MED27: variants seen among roughly 807,000 people sequenced by gnomAD.
MED27 encodes the protein mediator of RNA polymerase II transcription subunit 27.
Under a neutral mutation model 38.2 loss-of-function variants are expected in MED27, and 30 were observed. The observed-to-expected ratio is 0.79, with a 90% CI of 0.59 to 1.07. The LOEUF (loss-of-function observed/expected upper bound fraction) is 1.07. Ranked by LOEUF, MED27 falls within the 50% of genes least tolerant of loss-of-function variation. The pLI is 0.00. For synonymous variants in MED27, 122 were observed against 153.5 expected (o/e 0.79, Z 1.52); for missense variants, 289 against 397.5 (o/e 0.73, Z 2.32).
chr9:131,893,806 T>C, intron 5 of MED27, 79 bp downstream of exon 5: 1 of 970,338 alleles, frequency 1.0e-6, no homozygotes, highest in Non-Finnish European at 1.6e-6. Context: ...TAGTTTTTAA[T>C]GCCATTCATC....
chr9:132,048,755 G>A (rs1017647986), intron 2 of MED27, among the ~76,000 whole-genome samples: 2 of 152,136 alleles, frequency 1.3e-5, no homozygotes, highest in Non-Finnish European at 2.9e-5. Flanking sequence ...CCTGCATCAC[G>A]GGGGTGGCGG....
At position 131,862,229 on chromosome 9, in the gene MED27, G is replaced by A. The variant is rs905015418; in HGVS notation, c.801+834C>T. On this transcript the variant is annotated intron_variant, in intron 7 of 7. Coordinates refer to ENST00000292035, the MANE Select transcript of MED27 (RefSeq NM_004269.4). The surrounding 1 kb of genome is among the most constrained non-coding windows in gnomAD (Gnocchi z 4.6). Reference sequence around the variant, plus strand: ...CATGTGATAAGATGCACACTGATTTGGCCTTGCTAACAGGTCTTTGGAGTC... The same window carrying A: ...CATGTGATAAGATGCACACTGATTTAGCCTTGCTAACAGGTCTTTGGAGTC... Among the ~76,000 whole-genome samples the A allele has an allele frequency of 6.6e-6, 1 of 152,158 alleles. No individual in the cohort carries two copies. Among genetic ancestry groups the A allele is most frequent in the Non-Finnish European group, 1.5e-5 (1 of 68,044 alleles).
intron 3 of MED27, among the ~76,000 whole-genome samples, chr9:131,943,889 T>C (rs1830833779): frequency 6.6e-6 from 1 of 152,190 alleles, no homozygotes; most frequent in Non-Finnish European, 1.5e-5. Flanking sequence ...TTCTAGAAAT[T>C]ACAGATTCAA....
At chr9:132,041,657 A>G (rs1833215135) in intron 2 of MED27, among the ~76,000 whole-genome samples, 1 of 152,238 alleles carries the variant, frequency 6.6e-6, no homozygotes. Context: ...GGATGTATGG[A>G]ACAAAATGAA....
At chr9:131,900,553 G>A (rs1415486386) in intron 4 of MED27, among the ~76,000 whole-genome samples, 1 of 152,028 alleles carries the variant, frequency 6.6e-6, no homozygotes, top group Non-Finnish European at 1.5e-5. Context: ...TCGTGTAGGG[G>A]GAAAAGTGCT....
chr9:131,868,273 C>G (rs1359074199), intron 6 of MED27, among the ~76,000 whole-genome samples: 4 of 152,094 alleles, frequency 2.6e-5, no homozygotes, highest in African/African-American at 9.7e-5. Flanking sequence ...GAGATAGGTG[C>G]TTTTCTTTTT....
chr9:131,893,635 C>T (rs1381949696), intron 5 of MED27, among the ~76,000 whole-genome samples: 1 of 152,110 alleles, frequency 6.6e-6, no homozygotes, highest in Non-Finnish European at 1.5e-5. Flanking sequence ...CAACTGGGGT[C>T]TAAGGTGATA....
chr9:131,920,507 A>G (rs927552461), intron 4 of MED27, among the ~76,000 whole-genome samples: 9 of 152,268 alleles, frequency 5.9e-5, no homozygotes, highest in African/African-American at 1.2e-4. Flanking sequence ...ATCAATGAAC[A>G]AAAGAGACAA....
At chr9:131,984,416 A>G (rs995121292) in intron 3 of MED27, among the ~76,000 whole-genome samples, 2 of 152,168 alleles carry the variant, frequency 1.3e-5, no homozygotes, top group African/African-American at 4.8e-5. Context: ...CTCAAGATCG[A>G]CTTGTTTGCC....
At chr9:131,879,454 C>A (rs1011045678) in intron 6 of MED27, among the ~76,000 whole-genome samples, 1 of 152,198 alleles carries the variant, frequency 6.6e-6, no homozygotes, top group Non-Finnish European at 1.5e-5. Context: ...GGGAGCTCTG[C>A]GGTTCTACCT....
At chr9:131,961,301 G>A (rs1831209786) in intron 3 of MED27, among the ~76,000 whole-genome samples, 1 of 152,224 alleles carries the variant, frequency 6.6e-6, no homozygotes, top group African/African-American at 2.4e-5. Flanking sequence ...AGAGACAGAA[G>A]CTTGAAGCTG....
At chr9:131,993,001 A>G (rs187836152) in intron 3 of MED27, among the ~76,000 whole-genome samples, 22 of 152,364 alleles carry the variant, frequency 1.4e-4, no homozygotes, top group African/African-American at 4.8e-4. Flanking sequence ...GCCCAAAGGC[A>G]CACATATGGG....
At chr9:132,039,190 C>T (rs1164049603) in intron 2 of MED27, among the ~76,000 whole-genome samples, 2 of 152,142 alleles carry the variant, frequency 1.3e-5, no homozygotes, top group Non-Finnish European at 2.9e-5. Flanking sequence ...CCACAAAGAA[C>T]ACTATTAAGA....
chr9:131,914,681 T>C (rs2131542745), intron 4 of MED27, among the ~76,000 whole-genome samples: 1 of 152,246 alleles, frequency 6.6e-6, no homozygotes, highest in South Asian at 2.1e-4. Flanking sequence ...CTTGGTGCAA[T>C]GGGAAGCCCG....
chr9:131,950,040 G>A (rs1183692366), intron 3 of MED27, among the ~76,000 whole-genome samples: 1 of 151,874 alleles, frequency 6.6e-6, no homozygotes, highest in Non-Finnish European at 1.5e-5. Context: ...TATCTTGTGG[G>A]TCCTAGTTTT....
At chr9:132,019,557 T>G (rs1832675518) in intron 2 of MED27, among the ~76,000 whole-genome samples, 1 of 152,162 alleles carries the variant, frequency 6.6e-6, no homozygotes, top group African/African-American at 2.4e-5. Context: ...CCTAGATGAC[T>G]TCAAATCACA....
chr9:131,915,334 T>A (rs1287900793), intron 4 of MED27, among the ~76,000 whole-genome samples: 1 of 152,212 alleles, frequency 6.6e-6, no homozygotes. Context: ...ATTTGGCAAG[T>A]CTCACACATC....
chr9:132,042,044 C>G (rs144126031), intron 2 of MED27, among the ~76,000 whole-genome samples: 3 of 152,142 alleles, frequency 2.0e-5, no homozygotes, highest in African/African-American at 7.2e-5. Flanking sequence ...TGACAAAGTA[C>G]GTGATCTAGA....
At chr9:132,039,128 A>T (rs760607380) in intron 2 of MED27, among the ~76,000 whole-genome samples, 26 of 152,238 alleles carry the variant, frequency 1.7e-4, no homozygotes, top group Non-Finnish European at 3.7e-4. Flanking sequence ...CAATGGAATA[A>T]AGAGTTAACG....
Sources: allele counts gnomAD v4.1 joint callset (sites outside exome capture counted in the v4.1 genomes callset), GRCh38; gene constraint gnomAD v4.1.1; non-coding constraint Gnocchi (gnomAD v3.1); transcripts MANE v1.5; gene names NCBI Gene and HGNC (gene_info 2026-07-23, HGNC 2026-07-21).